Variants in ZDHHC14 observed in about 807,000 individuals in gnomAD.
The protein encoded by ZDHHC14 is palmitoyltransferase ZDHHC14.
A neutral mutation model predicts 47.7 loss-of-function variants in ZDHHC14; 16 were observed. The ratio of observed to expected loss-of-function variants is 0.34; its 90% CI spans 0.23 to 0.51. The LOEUF (loss-of-function observed/expected upper bound fraction) is 0.51. Ranked by LOEUF, ZDHHC14 falls within the 20% of genes least tolerant of loss-of-function variation. ZDHHC14 has a pLI of 0.97. For missense variants in ZDHHC14, 515 were observed against 662.5 expected, an observed-to-expected ratio of 0.78 and a Z score of 2.44; for synonymous variants, 293 against 278.9, an observed-to-expected ratio of 1.05 and a Z score of -0.50.
intron 3 of ZDHHC14, among the ~76,000 whole-genome samples, chr6:157,601,498 T>C (rs1342504364): frequency 6.6e-6 from 1 of 152,176 alleles, no homozygotes; most frequent in African/African-American, 2.4e-5. Flanking sequence ...AGTTACCTAA[T>C]AAATACATTA....
At chr6:157,462,016 C>T (rs575217086) in intron 1 of ZDHHC14, among the ~76,000 whole-genome samples, 18 of 152,260 alleles carry the variant, frequency 1.2e-4, no homozygotes, top group Non-Finnish European at 2.4e-4. Flanking sequence ...GTCTATCATG[C>T]GACGGTGGCA....
intron 8 of ZDHHC14, among the ~76,000 whole-genome samples, chr6:157,663,840 G>A (rs1210562814): frequency 2.6e-5 from 4 of 152,088 alleles, no homozygotes; most frequent in East Asian, 1.9e-4. Flanking sequence ...AGCCTTCCAC[G>A]TACATAACTT....
intron 1 of ZDHHC14, among the ~76,000 whole-genome samples, chr6:157,482,420 A>T (rs1388038426): frequency 2.1e-5 from 3 of 144,938 alleles, no homozygotes; most frequent in East Asian, 4.0e-4. Flanking sequence ...TCCTTGGCTA[A>T]TTTTTTTTTT....
chr6:157,384,407 GGTT>G (rs1260092804), intron 1 of ZDHHC14, among the ~76,000 whole-genome samples: 1 of 152,200 alleles, frequency 6.6e-6, no homozygotes, highest in African/African-American at 2.4e-5. Flanking sequence ...CTCACTAGCA[GGTT>G]GTTAAGGATC....
chr6:157,407,343 C>T (rs561765464), intron 1 of ZDHHC14, among the ~76,000 whole-genome samples: 5 of 152,236 alleles, frequency 3.3e-5, no homozygotes, highest in South Asian at 2.1e-4. Context: ...TAGGCAGCAG[C>T]GCAGAGGTGG....
At position 157,455,942 on chromosome 6, in the gene ZDHHC14, G is replaced by T. The variant is rs539501383; in HGVS notation, c.245+73676G>T. On this transcript the variant is annotated intron_variant, in intron 1 of 8. Coordinates refer to ENST00000359775, the MANE Select transcript of ZDHHC14 (RefSeq NM_024630.3). ...TCCTTTGATAGTCGCAGTGGACCGG[G>T]TCACACCCCTTTAATCTGACTTGTG... Among the ~76,000 whole-genome samples the T allele has an allele frequency of 2.1e-4, 32 of 152,296 alleles. No individual in the cohort carries two copies. The South Asian group carries it at 6.6e-3, about 32-fold the overall frequency.
rs1276777523 is a variant in ZDHHC14 at position 157,463,019 on chromosome 6, A to G, written c.246-79566A>G. 1.3e-5 allele frequency among the ~76,000 whole-genome samples: 2 copies of G among 152,258 alleles called. No homozygotes were observed. The highest frequency in any genetic ancestry group is 1.3e-4 in the Admixed American group (2 of 15,280). On this transcript the variant is annotated intron_variant, in intron 1 of 8. Coordinates refer to ENST00000359775, the MANE Select transcript of ZDHHC14 (RefSeq NM_024630.3). This position sits in a 1 kb window ranked among gnomAD's most constrained non-coding sequence, Gnocchi z 4.4. ...AAAGTGCATAAAGATAATTGTAGCT[A>G]GGAGTCAGTCTCTTTTCCAGAAAGA...
chr6:157,559,524 G>T (rs2114838326), intron 2 of ZDHHC14, among the ~76,000 whole-genome samples: 1 of 152,348 alleles, frequency 6.6e-6, no homozygotes, highest in Non-Finnish European at 1.5e-5. Context: ...AGCTGGAACT[G>T]CCCTCAGGTC....
chr6:157,402,529 C>T, intron 1 of ZDHHC14, among the ~76,000 whole-genome samples: 1 of 152,244 alleles, frequency 6.6e-6, no homozygotes, highest in East Asian at 1.9e-4. Context: ...CCACTTCATC[C>T]TCCCTTCTTA....
At chr6:157,484,956 G>A (rs574156273) in intron 1 of ZDHHC14, among the ~76,000 whole-genome samples, 14 of 152,192 alleles carry the variant, frequency 9.2e-5, no homozygotes, top group African/African-American at 2.9e-4. Flanking sequence ...AAATTAGCCG[G>A]ATGTGATGGC....
chr6:157,517,371 G>A lies in ZDHHC14; in HGVS notation c.246-25214G>A, dbSNP rs1224280348. Among the ~76,000 whole-genome samples, 4 of 151,166 alleles carry A rather than the reference G, an allele frequency of 2.6e-5. No individual in the cohort carries two copies. In the East Asian group the frequency reaches 7.8e-4, roughly 29 times the overall value. On this transcript the variant is annotated intron_variant, in intron 1 of 8. Coordinates refer to ENST00000359775, the MANE Select transcript of ZDHHC14 (RefSeq NM_024630.3). ...GCTCTGTCAGCCAGGCTGGAGTGCA[G>A]TGGCGCAGTCTCAACTATAACCTCC...
intron 1 of ZDHHC14, among the ~76,000 whole-genome samples, chr6:157,412,965 C>T (rs754773237): frequency 5.3e-5 from 8 of 152,230 alleles, no homozygotes; most frequent in South Asian, 2.1e-4. Context: ...TTAGAGAGCC[C>T]GTGGGGTTAG....
At chr6:157,519,557 G>A (rs558422976) in intron 1 of ZDHHC14, among the ~76,000 whole-genome samples, 20 of 152,246 alleles carry the variant, frequency 1.3e-4, no homozygotes, top group Admixed American at 8.5e-4. Context: ...AACATTAATT[G>A]CCTTTCCATG....
At chr6:157,645,549 C>T (rs1342974897) in intron 5 of ZDHHC14, among the ~76,000 whole-genome samples, 188 bp from the exon 6 acceptor site, 1 of 152,210 alleles carries the variant, frequency 6.6e-6, no homozygotes, top group Middle Eastern at 3.2e-3. Flanking sequence ...ACACCCCCTG[C>T]CCTGACGGAG....
intron 8 of ZDHHC14, among the ~76,000 whole-genome samples, chr6:157,662,254 T>C (rs1778376874): frequency 1.3e-5 from 2 of 152,234 alleles, no homozygotes; most frequent in Non-Finnish European, 2.9e-5. Context: ...CGATCTCTGC[T>C]CACTGCACTC....
rs199800965 is a variant in ZDHHC14, at chr6:157,673,527, A to AT, written c.*407dup. 20 of 174,634 alleles carry AT rather than the reference A, an allele frequency of 1.1e-4. No homozygotes were observed. The highest frequency in any genetic ancestry group is 3.9e-4 in the South Asian group (2 of 5,064). The allele number at this position is 174,634 out of a possible 1,614,324, so 10.8% of individuals were successfully genotyped here. ...AACAGACCTGCCATTCCATTTGTTA[A>AT]TTAAAAAAAAAAAAAATCCTAAAGG... On this transcript the variant is annotated 3_prime_UTR_variant, in exon 9 of 9. Coordinates refer to ENST00000359775, the MANE Select transcript of ZDHHC14 (RefSeq NM_024630.3). This position sits in a 1 kb window ranked among gnomAD's most constrained non-coding sequence, Gnocchi z 5.4.
chr6:157,537,725 G>A (rs766796690), intron 1 of ZDHHC14, among the ~76,000 whole-genome samples: 13 of 152,198 alleles, frequency 8.5e-5, no homozygotes, highest in Non-Finnish European at 1.6e-4. Context: ...TGGGGATGGA[G>A]TCTTCCTCAA....
chr6:157,446,763 A>G (rs946882142), intron 1 of ZDHHC14, among the ~76,000 whole-genome samples: 2 of 152,178 alleles, frequency 1.3e-5, no homozygotes, highest in Non-Finnish European at 2.9e-5. Context: ...ACAATGAGTG[A>G]CTTGCTAGAT....
intron 2 of ZDHHC14, among the ~76,000 whole-genome samples, chr6:157,580,931 C>T (rs1286978765): frequency 6.6e-6 from 1 of 151,762 alleles, no homozygotes; most frequent in African/African-American, 2.4e-5. Flanking sequence ...TTCAGTTCAG[C>T]ACTGATTCTG....
Sources: gnomAD v4.1 joint callset for allele counts (sites outside exome capture counted in the v4.1 genomes callset) on GRCh38, gnomAD v4.1.1 for gene constraint, Gnocchi (gnomAD v3.1) non-coding constraint, MANE v1.5 for transcripts, NCBI Gene and HGNC (gene_info 2026-07-23, HGNC 2026-07-21) for gene names.